EXD2: variants seen among roughly 807,000 people sequenced by gnomAD.
The protein encoded by EXD2 is exonuclease 3'-5' domain containing 2.
EXD2 carries 40 observed loss-of-function variants against 62.5 expected under a neutral mutation model. The observed-to-expected ratio is 0.64, with a 90% CI of 0.50 to 0.83. The LOEUF is 0.83. Among genes scored for constraint, EXD2 ranks in the 40% least tolerant of loss-of-function variants. The probability of loss-of-function intolerance (pLI) is 0.00; values close to 1 mark genes in which losing one functional copy is unlikely to be tolerated. For synonymous variants in EXD2, 239 were observed against 291.9 expected (o/e 0.82, Z 1.85); for missense variants, 671 against 761.8 (o/e 0.88, Z 1.40).
chr14:69,229,208 A>G (rs2043480446), intron 4 of EXD2, 136 bp downstream of exon 4: 2 of 1,184,338 alleles, frequency 1.7e-6, no homozygotes, highest in Middle Eastern at 2.9e-4. Context: ...TGCATATTGA[A>G]TTTGTAAGGA....
chr14:69,223,200 A>G (rs2043244285), intron 3 of EXD2, among the ~76,000 whole-genome samples: 1 of 152,168 alleles, frequency 6.6e-6, no homozygotes, highest in South Asian at 2.1e-4. Flanking sequence ...ATCTAATTGT[A>G]TGGCTTTAAA....
intron 1 of EXD2, among the ~76,000 whole-genome samples, chr14:69,197,230 T>A (rs1050598711): frequency 7.2e-5 from 11 of 152,190 alleles, no homozygotes; most frequent in African/African-American, 2.7e-4. Context: ...CTAAAAAATA[T>A]ATTAAAAAAT....
At chr14:69,215,958 A>G (rs1358551189) in intron 3 of EXD2, among the ~76,000 whole-genome samples, 2 of 151,808 alleles carry the variant, frequency 1.3e-5, no homozygotes, top group African/African-American at 4.8e-5. Context: ...CATTCTTTTG[A>G]TGTTTAATTT....
Position 69,242,505 on chromosome 14 carries a change from C to T in EXD2, c.*1405C>T, listed in dbSNP as rs1229556812. 1 of 153,272 alleles carries T rather than the reference C, an allele frequency of 6.5e-6. No homozygotes were observed. Among genetic ancestry groups the T allele is most frequent in the African/African-American group, 2.4e-5 (1 of 41,498 alleles). 9.5% of individuals were successfully genotyped at this position (153,272 alleles called of 1,614,324 possible). The stretch of plus-strand genomic sequence containing the variant: ...ACCAGACACAGTCACCATCGGCCAT[C>T]AGTAGCAGCCCATGAACCCACGTGC... On this transcript the variant is annotated 3_prime_UTR_variant, in exon 10 of 10. Transcript: ENST00000685843.
chr14:69,199,599 A>T (rs1036318074), intron 1 of EXD2, among the ~76,000 whole-genome samples: 181 of 148,536 alleles, frequency 1.2e-3, no homozygotes, highest in African/African-American at 4.0e-3. Flanking sequence ...TCAACTTAAA[A>T]TTTTTTTTTT....
intron 2 of EXD2, among the ~76,000 whole-genome samples, chr14:69,205,262 G>C (rs2042551235): frequency 6.6e-6 from 1 of 152,046 alleles, no homozygotes; most frequent in South Asian, 2.1e-4. Context: ...TGTTGCCCAG[G>C]TTGGTCTTGA....
chr14:69,217,622 G>GT (rs1320141052), intron 3 of EXD2, among the ~76,000 whole-genome samples: 1 of 151,800 alleles, frequency 6.6e-6, no homozygotes, highest in Non-Finnish European at 1.5e-5. Flanking sequence ...CTTGTGCCAT[G>GT]TTGGTGTGCT....
intron 1 of EXD2, among the ~76,000 whole-genome samples, chr14:69,194,959 C>G (rs1360245649): frequency 2.0e-5 from 3 of 152,104 alleles, no homozygotes; most frequent in Non-Finnish European, 2.9e-5. Flanking sequence ...TGGCTTACGC[C>G]TGTAATCCCA....
intron 1 of EXD2, among the ~76,000 whole-genome samples, chr14:69,200,388 A>G (rs2042354401): frequency 1.3e-5 from 2 of 152,090 alleles, no homozygotes; most frequent in South Asian, 4.1e-4. Context: ...ACTTATTGTC[A>G]TTGAATTGTA....
chr14:69,204,930 C>T (rs1433462807), intron 2 of EXD2, among the ~76,000 whole-genome samples: 2 of 152,248 alleles, frequency 1.3e-5, no homozygotes, highest in South Asian at 2.1e-4. Flanking sequence ...GTAACAAAGC[C>T]AGTTAAGGTT....
chr14:69,227,190 C>G (rs1247651084), intron 3 of EXD2, among the ~76,000 whole-genome samples: 2 of 152,128 alleles, frequency 1.3e-5, no homozygotes, highest in Non-Finnish European at 2.9e-5. Context: ...TTACTAGATG[C>G]CTATGTACTT....
intron 1 of EXD2, among the ~76,000 whole-genome samples, chr14:69,199,882 GTAAA>G (rs1267264397): frequency 4.6e-5 from 7 of 152,150 alleles, no homozygotes; most frequent in African/African-American, 1.2e-4. Context: ...AAAAAATATG[GTAAA>G]TAAATAAACC....
intron 1 of EXD2, among the ~76,000 whole-genome samples, chr14:69,199,205 C>T (rs1197987036): frequency 3.9e-5 from 6 of 152,212 alleles, no homozygotes; most frequent in Admixed American, 2.0e-4. Flanking sequence ...GATCACGCCA[C>T]TGCACACCAG....
intron 3 of EXD2, among the ~76,000 whole-genome samples, chr14:69,224,810 C>A (rs542678104): frequency 6.6e-6 from 1 of 152,066 alleles, no homozygotes; most frequent in African/African-American, 2.4e-5. Context: ...GAAACCCTGT[C>A]TCTACTAAAA....
At chr14:69,233,334 T>C (rs188393826) in intron 5 of EXD2, among the ~76,000 whole-genome samples, 1 of 152,256 alleles carries the variant, frequency 6.6e-6, no homozygotes, top group East Asian at 1.9e-4. Context: ...GGTGAAATAA[T>C]AGAATTTTAA....
At chr14:69,217,445 C>T (rs2043021342) in intron 3 of EXD2, among the ~76,000 whole-genome samples, 1 of 152,112 alleles carries the variant, frequency 6.6e-6, no homozygotes, top group African/African-American at 2.4e-5. Context: ...TAATGTCTTC[C>T]AGGTTTAGCC....
At chr14:69,220,250 TC>T (rs2043122899) in intron 3 of EXD2, among the ~76,000 whole-genome samples, 1 of 127,364 alleles carries the variant, frequency 7.9e-6, no homozygotes, top group African/African-American at 3.1e-5. Flanking sequence ...GTTTTGTCTC[TC>T]TGTTTTTTTT....
chr14:69,221,557 A>T (rs896375631), intron 3 of EXD2, among the ~76,000 whole-genome samples: 3 of 151,258 alleles, frequency 2.0e-5, no homozygotes, highest in Non-Finnish European at 3.0e-5. Flanking sequence ...ACTTCAGGCA[A>T]GGAGTATGAG....
chr14:69,237,250 A>T (rs372528493), intron 8 of EXD2, among the ~76,000 whole-genome samples: 51 of 152,276 alleles, frequency 3.3e-4, no homozygotes, highest in East Asian at 3.1e-3. Flanking sequence ...AGGCCATTAG[A>T]GTATCTTTTC....
Sources: gnomAD v4.1 joint callset for allele counts (sites outside exome capture counted in the v4.1 genomes callset) on GRCh38, gnomAD v4.1.1 for gene constraint, MANE v1.5 for transcripts, NCBI Gene and HGNC (gene_info 2026-07-23, HGNC 2026-07-21) for gene names.